The following COLEC10 variants were observed in gnomAD, a reference collection of about 807,000 sequenced individuals.
COLEC10 encodes collectin-10.
A neutral mutation model predicts 28.4 loss-of-function variants in COLEC10; 22 were observed. That is an observed-to-expected ratio of 0.78 (90% CI 0.55 to 1.11). The LOEUF (loss-of-function observed/expected upper bound fraction) is 1.11, where lower values mean the gene tolerates loss of function less well. Among genes scored for constraint, COLEC10 ranks in the 50% least tolerant of loss-of-function variants. The pLI is 0.00. For synonymous variants in COLEC10, 125 were observed against 116.1 expected (o/e 1.08, Z -0.49); for missense variants, 361 against 344.1 (o/e 1.05, Z -0.39).
At chr8:119,084,465 T>A (rs1208298313) in intron 1 of COLEC10, among the ~76,000 whole-genome samples, 1 of 152,208 alleles carries the variant, frequency 6.6e-6, no homozygotes, top group Admixed American at 6.5e-5. Flanking sequence ...AAAATGGAAT[T>A]ATTTGTCATG....
intron 3 of COLEC10, among the ~76,000 whole-genome samples, chr8:119,097,340 T>G (rs1026402246): frequency 1.3e-5 from 2 of 152,030 alleles, no homozygotes; most frequent in Non-Finnish European, 2.9e-5. Flanking sequence ...ACGTTATCCC[T>G]CTATCATTCT....
intron 2 of COLEC10, among the ~76,000 whole-genome samples, chr8:119,015,740 A>G (rs1228720293): frequency 6.6e-6 from 1 of 152,142 alleles, no homozygotes; most frequent in African/African-American, 2.4e-5. Context: ...CTCCAATTTC[A>G]GGGGCAGTAG....
upstream of COLEC10, among the ~76,000 whole-genome samples, chr8:118,992,843 G>A (rs559783854): frequency 2.3e-4 from 35 of 152,238 alleles, no homozygotes; most frequent in Admixed American, 5.9e-4. Flanking sequence ...TAAGCTTTCA[G>A]TGTGTAAAAT....
Position 119,027,229 on chromosome 8 carries a change from G to A in COLEC10, n.235+17676G>A, listed in dbSNP as rs1814208657. The stretch of plus-strand genomic sequence containing the variant: ...AAGACACCTGGGAAAATAAAATGGT[G>A]CATGGAGATAAATTCAACAGATTTA... On this transcript the variant is annotated intron_variant and non_coding_transcript_variant, in intron 2 of 6. Transcript: ENST00000521788. Among the ~76,000 whole-genome samples the A allele has an allele frequency of 3.9e-5, 6 of 152,244 alleles. No individual in the cohort carries two copies. The South Asian group carries it at 1.2e-3, about 32-fold the overall frequency.
intron 1 of COLEC10, among the ~76,000 whole-genome samples, chr8:119,072,361 A>C (rs1246448197): frequency 6.6e-6 from 1 of 151,762 alleles, no homozygotes; most frequent in East Asian, 1.9e-4. Context: ...ACCATGTTTA[A>C]ATTTAATTAT....
chr8:119,091,599 A>G (rs10755918), intron 3 of COLEC10, among the ~76,000 whole-genome samples: 175 of 96,772 alleles, frequency 1.8e-3, no homozygotes, highest in East Asian at 6.7e-3. Context: ...GAGAGAGAGA[A>G]AGAAAGAAAG....
intron 1 of COLEC10, among the ~76,000 whole-genome samples, chr8:119,069,394 A>G (rs1815043004): frequency 6.6e-6 from 1 of 151,712 alleles, no homozygotes; most frequent in African/African-American, 2.4e-5. Context: ...CAAGAGTTTG[A>G]GACCAGCCTG....
At chr8:118,979,190 T>G in the COLEC10 span, among the ~76,000 whole-genome samples, 1 of 152,002 alleles carries the variant, frequency 6.6e-6, no homozygotes, top group Non-Finnish European at 1.5e-5. Context: ...TCATTTGATA[T>G]TTTTTCCAAA....
At chr8:119,021,746 A>G (rs987153998) in intron 2 of COLEC10, among the ~76,000 whole-genome samples, 9 of 152,176 alleles carry the variant, frequency 5.9e-5, no homozygotes, top group African/African-American at 1.9e-4. Flanking sequence ...TGGCCCTCGT[A>G]GTAAAAAGAT....
chr8:119,102,150 A>C (rs1815841558), intron 3 of COLEC10, among the ~76,000 whole-genome samples, 198 bp from the exon 4 acceptor site: 1 of 152,180 alleles, frequency 6.6e-6, no homozygotes, highest in Admixed American at 6.6e-5. Flanking sequence ...TAGAGATACT[A>C]GCTGTAGATA....
At chr8:118,989,314 G>T in the COLEC10 span, among the ~76,000 whole-genome samples, 18 of 152,092 alleles carry the variant, frequency 1.2e-4, no homozygotes, top group South Asian at 3.7e-3. Context: ...AATGCAAAGA[G>T]AATAAAGAAT....
chr8:118,970,281 C>T, the COLEC10 span, among the ~76,000 whole-genome samples: 1 of 152,086 alleles, frequency 6.6e-6, no homozygotes, highest in Admixed American at 6.6e-5. Flanking sequence ...GAGAGCAGAG[C>T]CACTGCCTGT....
intron 2 of COLEC10, among the ~76,000 whole-genome samples, chr8:119,038,908 T>C (rs567821980): frequency 1.3e-5 from 2 of 152,240 alleles, no homozygotes; most frequent in South Asian, 2.1e-4. Flanking sequence ...TTTTTTGAAA[T>C]TTTTTGCCAA....
intron 1 of COLEC10, among the ~76,000 whole-genome samples, chr8:119,002,270 ATAG>A (rs1216027191): frequency 6.6e-6 from 1 of 152,142 alleles, no homozygotes; most frequent in African/African-American, 2.4e-5. Flanking sequence ...TATTTAGAAA[ATAG>A]TAGTAGTATT....
the COLEC10 span, among the ~76,000 whole-genome samples, chr8:118,967,953 T>C: frequency 1.3e-5 from 2 of 152,024 alleles, no homozygotes; most frequent in Non-Finnish European, 2.9e-5. Flanking sequence ...TATATTGGAC[T>C]GGATTATCCA....
intron 2 of COLEC10, among the ~76,000 whole-genome samples, chr8:119,009,747 A>G (rs1234436184): frequency 6.6e-6 from 1 of 150,700 alleles, no homozygotes; most frequent in East Asian, 1.9e-4. Flanking sequence ...TCTATAGATT[A>G]AGGATTGAAA....
At position 119,096,781 on chromosome 8, in the gene COLEC10, C is replaced by A. The variant is rs553049320; in HGVS notation, c.292+5561C>A. Among the ~76,000 whole-genome samples, 54 of 151,792 alleles carry A rather than the reference C, an allele frequency of 3.6e-4. 1 individual carries two copies. In the South Asian group the frequency reaches 0.011, roughly 32 times the overall value. ...GATAACCCAAAGAAATAAAAAAGGT[C>A]AAAAGAATAGTCACTTAACAAAAGA... On this transcript the variant is annotated intron_variant, in intron 3 of 5. Coordinates refer to ENST00000332843, the MANE Select transcript of COLEC10 (RefSeq NM_006438.5).
chr8:119,098,536 G>T (rs1282493247), intron 3 of COLEC10, among the ~76,000 whole-genome samples: 1 of 151,966 alleles, frequency 6.6e-6, no homozygotes, highest in Non-Finnish European at 1.5e-5. Context: ...TGAATGAAAG[G>T]TTCACTGGAT....
intron 2 of COLEC10, among the ~76,000 whole-genome samples, chr8:119,014,478 G>T (rs1433731737): frequency 6.7e-6 from 1 of 149,494 alleles, no homozygotes; most frequent in Non-Finnish European, 1.5e-5. Context: ...TGTTTTTCTG[G>T]CTTCATCAAA....
Sources: gnomAD v4.1 joint callset for allele counts (sites outside exome capture counted in the v4.1 genomes callset) on GRCh38, gnomAD v4.1.1 for gene constraint, MANE v1.5 for transcripts, NCBI Gene and HGNC (gene_info 2026-07-23, HGNC 2026-07-21) for gene names.